The following KCNAB2 variants were observed in gnomAD, a reference collection of about 807,000 sequenced individuals.
KCNAB2 encodes voltage-gated potassium channel subunit beta-2.
KCNAB2 carries 29 observed loss-of-function variants against 63.6 expected under a neutral mutation model. The ratio of observed to expected loss-of-function variants is 0.46; its 90% CI spans 0.34 to 0.62. The LOEUF (loss-of-function observed/expected upper bound fraction) is 0.62, where lower values mean the gene tolerates loss of function less well. KCNAB2 is among the 20% of genes least tolerant of loss of function. The pLI is 0.01. For synonymous variants in KCNAB2, 222 were observed against 224.2 expected (o/e 0.99, Z 0.09); for missense variants, 359 against 563.9 (o/e 0.64, Z 3.68).
At chr1:6,036,573 A>T (rs1660056368) in intron 1 of KCNAB2, among the ~76,000 whole-genome samples, 1 of 152,190 alleles carries the variant, frequency 6.6e-6, no homozygotes, top group Non-Finnish European at 1.5e-5. Flanking sequence ...TATTGGGTGC[A>T]GCTGGCAGTG....
At chr1:6,030,302 G>A (rs1255430850), upstream of KCNAB2, among the ~76,000 whole-genome samples, 1 of 152,188 alleles carries the variant, frequency 6.6e-6, no homozygotes. Context: ...ATATGTAGCA[G>A]GGTGGACTGG....
chr1:6,018,212 C>G (rs971035296), intron 1 of KCNAB2, among the ~76,000 whole-genome samples: 1 of 151,962 alleles, frequency 6.6e-6, no homozygotes, highest in Non-Finnish European at 1.5e-5. Flanking sequence ...GCTGGGATTA[C>G]AAGCATGAGC....
chr1:6,000,894 G>A (rs752582822), intron 1 of KCNAB2, among the ~76,000 whole-genome samples: 17 of 152,272 alleles, frequency 1.1e-4, no homozygotes, highest in Admixed American at 7.2e-4. Context: ...ACATCAGAGC[G>A]GGAGGAGGTG....
upstream of KCNAB2, among the ~76,000 whole-genome samples, chr1:6,044,306 G>A (rs72861076): frequency 7.4e-3 from 1,121 of 152,304 alleles, 13 homozygotes; most frequent in African/African-American, 0.025. Flanking sequence ...GGCAGAGCAC[G>A]TCACAGGAGA....
chr1:6,080,801 A>T (rs1571056120), intron 4 of KCNAB2, among the ~76,000 whole-genome samples: 1 of 151,998 alleles, frequency 6.6e-6, no homozygotes, highest in Non-Finnish European at 1.5e-5. Context: ...CTCCGTCCTC[A>T]CTCTCCATAC....
At chr1:6,094,314 G>T (rs966155908) in intron 10 of KCNAB2, 86 bp from the exon 11 acceptor site, 1 of 976,650 alleles carries the variant, frequency 1.0e-6, no homozygotes, top group Non-Finnish European at 1.6e-6. Flanking sequence ...TCCTCCCAGC[G>T]TCCTGCCTGT....
Position 6,036,525 on chromosome 1 carries a change from G to T in KCNAB2, c.-53+1731G>T, listed in dbSNP as rs145534896. 2.8e-3 allele frequency among the ~76,000 whole-genome samples: 427 copies of T among 152,240 alleles called. 2 individuals are homozygous for T. The highest frequency in any genetic ancestry group is 9.7e-3 in the African/African-American group (404 of 41,542). On this transcript the variant is annotated intron_variant, in intron 1 of 15. Coordinates refer to the KCNAB2 transcript ENST00000164247. ...CTCAAAAAAAGAAAAAAGAAACTGT[G>T]TTTTTTGTTTTCTTTGGAGATGAGA...
At chr1:6,006,552 CCT>C (rs1657768965) in intron 1 of KCNAB2, among the ~76,000 whole-genome samples, 1 of 11,546 alleles carries the variant, frequency 8.7e-5, no homozygotes, top group African/African-American at 1.6e-4. Context: ...CCACTCCTCC[CCT>C]ACCCCTCAGC....
chr1:6,012,319 GAGA>G (rs1658218806), intron 1 of KCNAB2, among the ~76,000 whole-genome samples: 1 of 54,588 alleles, frequency 1.8e-5, no homozygotes, highest in African/African-American at 7.7e-5. Flanking sequence ...GGTGGAGGTG[GAGA>G]TGGAGGTAGT....
intron 1 of KCNAB2, among the ~76,000 whole-genome samples, chr1:6,018,074 A>G (rs1032110023): frequency 3.3e-5 from 5 of 152,168 alleles, no homozygotes; most frequent in Non-Finnish European, 7.3e-5. Flanking sequence ...CTGTAATCCC[A>G]TAGCTGTAAA....
chr1:5,995,336 T>G (rs1656884638), intron 1 of KCNAB2, among the ~76,000 whole-genome samples: 1 of 152,196 alleles, frequency 6.6e-6, no homozygotes, highest in South Asian at 2.1e-4. Flanking sequence ...ACAGAGGCAG[T>G]GACGGAGCTG....
At chr1:6,040,738 G>A (rs557476385) in intron 2 of KCNAB2, 2 of 777,010 alleles carry the variant, frequency 2.6e-6, no homozygotes, top group East Asian at 2.7e-5. Context: ...CTCTGGAGGT[G>A]GAAGGGCCCA....
At chr1:6,091,153 C>A in intron 9 of KCNAB2, 110 bp from the exon 10 acceptor site, 1 of 765,480 alleles carries the variant, frequency 1.3e-6, no homozygotes, top group Non-Finnish European at 2.2e-6. Flanking sequence ...TAACTAAACG[C>A]GTGTTCTGCA....
intron 1 of KCNAB2, among the ~76,000 whole-genome samples, chr1:6,000,906 ATG>A (rs1222632084): frequency 6.6e-6 from 1 of 152,100 alleles, no homozygotes; most frequent in African/African-American, 2.4e-5. Context: ...GAGGAGGTGT[ATG>A]GTCCAGGGCA....
chr1:5,997,158 A>G (rs1312956696), intron 1 of KCNAB2, among the ~76,000 whole-genome samples: 1 of 152,178 alleles, frequency 6.6e-6, no homozygotes, highest in African/African-American at 2.4e-5. Flanking sequence ...GAGGCGCCCC[A>G]GCCACCATCC....
At chr1:6,022,655 C>G (rs1467748698) in intron 1 of KCNAB2, among the ~76,000 whole-genome samples, 1 of 152,124 alleles carries the variant, frequency 6.6e-6, no homozygotes, top group Admixed American at 6.5e-5. Flanking sequence ...ATTCCCCCTC[C>G]CCTGCCCCTG....
At chr1:6,048,795 C>G (rs1661151715) in intron 1 of KCNAB2, among the ~76,000 whole-genome samples, 3 of 152,224 alleles carry the variant, frequency 2.0e-5, no homozygotes, top group Admixed American at 2.0e-4. Flanking sequence ...GGACTGGCAG[C>G]TAGCCACATG....
At chr1:6,040,603 G>A (rs758297152) in exon 2 of KCNAB2, 8 of 1,613,968 alleles carry the variant, frequency 5.0e-6, no homozygotes, top group East Asian at 2.2e-5. Context: ...TCCCCGGCTC[G>A]GCTCTCGCTG....
rs1414466183 is a variant in KCNAB2 at position 6,088,919 on chromosome 1, C to T, written c.471-89C>T. 1.3e-5 allele frequency: 16 copies of T among 1,247,100 alleles called. No homozygotes were observed. The East Asian group carries it at 2.1e-4, about 16-fold the overall frequency. 77.3% of individuals were successfully genotyped at this position (1,247,100 alleles called of 1,614,324 possible). A position where few individuals can be genotyped will look rare whatever the true frequency, so the allele number is the denominator to read the frequency against. Reference sequence around the variant, plus strand: ...ACGGCATTTGCTGACCCTGTTTTTGCGTCTAACATTGCATCGTAAACGTTT... The same window carrying T: ...ACGGCATTTGCTGACCCTGTTTTTGTGTCTAACATTGCATCGTAAACGTTT... On this transcript the variant is annotated intron_variant, in intron 7 of 15. Coordinates refer to ENST00000378083, the MANE Select transcript of KCNAB2 (RefSeq NM_001199862.2).
Sources: allele counts gnomAD v4.1 joint callset (sites outside exome capture counted in the v4.1 genomes callset), GRCh38; gene constraint gnomAD v4.1.1; transcripts MANE v1.5; gene names NCBI Gene and HGNC (gene_info 2026-07-23, HGNC 2026-07-21).